CNIH3: variants seen among roughly 807,000 people sequenced by gnomAD.
CNIH3 encodes the protein protein cornichon homolog 3.
Under a neutral mutation model 24.1 loss-of-function variants are expected in CNIH3, and 14 were observed. That is an observed-to-expected ratio of 0.58 (90% confidence interval 0.38 to 0.91). The LOEUF is 0.91. Ranked by LOEUF, CNIH3 falls within the 40% of genes least tolerant of loss-of-function variation. The pLI is 0.00. For missense variants in CNIH3, 178 were observed against 196.8 expected, an observed-to-expected ratio of 0.90 and a Z score of 0.57; for synonymous variants, 68 against 73.8, an observed-to-expected ratio of 0.92 and a Z score of 0.40.
chr1:224,531,471 G>A (rs1360140265), intron 2 of CNIH3, among the ~76,000 whole-genome samples: 1 of 152,220 alleles, frequency 6.6e-6, no homozygotes, highest in African/African-American at 2.4e-5. Flanking sequence ...AAAGCTGAGT[G>A]TGGAATTAGC....
At chr1:224,688,713 C>T (rs906528851) in intron 3 of CNIH3, among the ~76,000 whole-genome samples, 3 of 151,928 alleles carry the variant, frequency 2.0e-5, no homozygotes, top group African/African-American at 2.4e-5. Context: ...TTTGGGAGGC[C>T]GAGGTGGGCA....
chr1:224,462,892 T>C (rs1675983479), intron 1 of CNIH3, among the ~76,000 whole-genome samples: 1 of 142,512 alleles, frequency 7.0e-6, no homozygotes, highest in African/African-American at 2.5e-5. Flanking sequence ...CCAAAATATG[T>C]TTAACTTTTT....
chr1:224,715,542 CTGAAGT>C (rs1688382097), intron 3 of CNIH3, among the ~76,000 whole-genome samples: 1 of 152,128 alleles, frequency 6.6e-6, no homozygotes, highest in Non-Finnish European at 1.5e-5. Flanking sequence ...CAAGGAATAC[CTGAAGT>C]TGGACAATTT....
intron 1 of CNIH3, among the ~76,000 whole-genome samples, chr1:224,666,931 C>T (rs1368443149): frequency 1.3e-5 from 2 of 152,212 alleles, no homozygotes; most frequent in African/African-American, 4.8e-5. Flanking sequence ...GTCTCTCCCT[C>T]CTGGGCAGTT....
intron 1 of CNIH3, among the ~76,000 whole-genome samples, chr1:224,444,704 G>A (rs1179910881): frequency 6.6e-6 from 1 of 151,832 alleles, no homozygotes; most frequent in Non-Finnish European, 1.5e-5. Context: ...GAGTGCAGTA[G>A]CGCGATCTCG....
intron 4 of CNIH3, among the ~76,000 whole-genome samples, chr1:224,578,501 G>T (rs1480549962): frequency 6.6e-6 from 1 of 152,008 alleles, no homozygotes; most frequent in African/African-American, 2.4e-5. Flanking sequence ...CCTTGTTTTT[G>T]ATCCCCTGTA....
At chr1:224,627,911 A>G (rs975931070) in intron 1 of CNIH3, among the ~76,000 whole-genome samples, 1 of 152,096 alleles carries the variant, frequency 6.6e-6, no homozygotes, top group Non-Finnish European at 1.5e-5. Flanking sequence ...CTCAGAGGCC[A>G]TTGTCTTGAA....
rs1221460790 is a variant in CNIH3, at chr1:224,463,780, T to A, written n.203+28918T>A. ...AGCTTATGAATTGTCCTCATTTTTT[T>A]TTTTTTTTTTTTTTTTTTTTTTTTT... is the stretch of plus-strand genomic sequence containing the variant. On this transcript the variant is annotated intron_variant and non_coding_transcript_variant, in intron 1 of 5. Coordinates refer to the CNIH3 transcript ENST00000471578. 1.9e-4 allele frequency among the ~76,000 whole-genome samples: 20 copies of A among 106,454 alleles called. 1 individual carries two copies. The highest frequency in any genetic ancestry group is 7.7e-4 in the African/African-American group (19 of 24,820). The allele number at this position is 106,454 out of a possible 152,430, so 69.8% of individuals were successfully genotyped here. A position where few individuals can be genotyped will look rare whatever the true frequency, so the allele number is the denominator to read the frequency against.
At chr1:224,476,721 T>C (rs2103005514) in intron 1 of CNIH3, among the ~76,000 whole-genome samples, 1 of 152,202 alleles carries the variant, frequency 6.6e-6, no homozygotes, top group East Asian at 1.9e-4. Flanking sequence ...AAAATATCCA[T>C]ACCACCCAAA....
chr1:224,710,547 A>G (rs937288724), intron 3 of CNIH3, among the ~76,000 whole-genome samples: 4 of 152,224 alleles, frequency 2.6e-5, no homozygotes, highest in African/African-American at 4.8e-5. Context: ...AGGACTTGGC[A>G]TGGCTCCTAA....
intron 1 of CNIH3, among the ~76,000 whole-genome samples, chr1:224,447,362 T>G (rs1460708913): frequency 1.3e-5 from 2 of 151,666 alleles, no homozygotes. Context: ...AGTAGGAGAG[T>G]GTCCCAGCTC....
intron 1 of CNIH3, among the ~76,000 whole-genome samples, chr1:224,662,438 T>TA (rs35460140): frequency 2.2e-4 from 34 of 151,786 alleles, no homozygotes; most frequent in South Asian, 1.0e-3. Context: ...GTCTTACTTA[T>TA]AAAAAAAAAT....
At chr1:224,695,968 T>C (rs1043829050) in intron 3 of CNIH3, among the ~76,000 whole-genome samples, 1 of 152,216 alleles carries the variant, frequency 6.6e-6, no homozygotes, top group African/African-American at 2.4e-5. Flanking sequence ...AACAAGGAAC[T>C]CTGGGATCGT....
chr1:224,634,524 G>T (rs1193835485), intron 1 of CNIH3, among the ~76,000 whole-genome samples: 1 of 150,630 alleles, frequency 6.6e-6, no homozygotes, highest in Non-Finnish European at 1.5e-5. Context: ...AGTGAGCCGA[G>T]ATTGTGCCAC....
At chr1:224,659,637 G>A (rs548821933) in intron 1 of CNIH3, among the ~76,000 whole-genome samples, 1 of 152,312 alleles carries the variant, frequency 6.6e-6, no homozygotes, top group East Asian at 1.9e-4. Flanking sequence ...CAGGGGAACA[G>A]CATGAGAAGT....
chr1:224,623,266 C>A (rs959607758), intron 1 of CNIH3, among the ~76,000 whole-genome samples: 1 of 152,172 alleles, frequency 6.6e-6, no homozygotes, highest in Non-Finnish European at 1.5e-5. Context: ...GGATTTACTT[C>A]CTCCTCTGTG....
At chr1:224,566,410 T>A (rs902633644) in intron 4 of CNIH3, 2 of 152,032 alleles carry the variant, frequency 1.3e-5, no homozygotes, top group African/African-American at 4.8e-5. Context: ...CTGGGGTACA[T>A]GTGCAGAACA....
At chr1:224,738,659 C>A (rs1689715511) in intron 5 of CNIH3, among the ~76,000 whole-genome samples, 1 of 152,166 alleles carries the variant, frequency 6.6e-6, no homozygotes, top group Non-Finnish European at 1.5e-5. Flanking sequence ...CTCAGCCTTG[C>A]AAAATTACCC....
intron 2 of CNIH3, among the ~76,000 whole-genome samples, chr1:224,536,584 C>T (rs1055163904): frequency 6.6e-6 from 1 of 152,102 alleles, no homozygotes; most frequent in Non-Finnish European, 1.5e-5. Context: ...AGCCACTGTG[C>T]CTGGCCCATA....
Sources: allele counts gnomAD v4.1 joint callset (sites outside exome capture counted in the v4.1 genomes callset), GRCh38; gene constraint gnomAD v4.1.1; transcripts MANE v1.5; gene names NCBI Gene and HGNC (gene_info 2026-07-23, HGNC 2026-07-21).